The following MAD1L1 variants were observed in gnomAD, a reference collection of about 807,000 sequenced individuals.
MAD1L1 encodes the protein mitotic spindle assembly checkpoint protein MAD1.
Under a neutral mutation model 96.9 loss-of-function variants are expected in MAD1L1, and 95 were observed. The ratio of observed to expected loss-of-function variants is 0.98; its 90% CI spans 0.83 to 1.16. The LOEUF is 1.16. Among genes scored for constraint, MAD1L1 ranks in the 50% most tolerant of loss-of-function variants. The probability of loss-of-function intolerance (pLI) is 0.00; values close to 1 mark genes in which losing one functional copy is unlikely to be tolerated. For synonymous variants in MAD1L1, 473 were observed against 396.6 expected (o/e 1.19, Z -2.29); for missense variants, 1,007 against 954.4 (o/e 1.06, Z -0.73).
intron 11 of MAD1L1, among the ~76,000 whole-genome samples, chr7:2,134,684 A>G (rs933382106): frequency 6.6e-5 from 10 of 152,224 alleles, no homozygotes; most frequent in African/African-American, 2.2e-4. Flanking sequence ...CCAGAGCCCA[A>G]TTGTGTCCAG....
intron 15 of MAD1L1, among the ~76,000 whole-genome samples, chr7:1,967,458 A>G (rs978467464): frequency 6.6e-6 from 1 of 152,252 alleles, no homozygotes; most frequent in African/African-American, 2.4e-5. Flanking sequence ...AGAAACTCAA[A>G]GAACGGGTAC....
At position 1,954,779 on chromosome 7, in the gene MAD1L1, C is replaced by T. The variant is rs570293618; in HGVS notation, c.1596+2850G>A. 3.5e-4 allele frequency among the ~76,000 whole-genome samples: 54 copies of T among 152,324 alleles called. 2 individuals carry two copies. The South Asian group carries it at 8.5e-3, about 24-fold the overall frequency. ...TCACTTTCCCCATCTAGAGAGGGGG[C>T]GCCAGAAGCCCGGCCAGCCACCGTC... On this transcript the variant is annotated intron_variant, in intron 16 of 18. Transcript: ENST00000265854.
At chr7:2,062,506 C>T (rs1413563247) in intron 12 of MAD1L1, among the ~76,000 whole-genome samples, 7 of 151,704 alleles carry the variant, frequency 4.6e-5, no homozygotes, top group East Asian at 1.9e-4. Flanking sequence ...ACCTGGGAGG[C>T]GGAGGCTGCA....
At chr7:2,120,355 G>A (rs1377807366) in intron 11 of MAD1L1, among the ~76,000 whole-genome samples, 2 of 152,206 alleles carry the variant, frequency 1.3e-5, no homozygotes, top group Non-Finnish European at 2.9e-5. Flanking sequence ...CGAAGGCTGC[G>A]CTGCAGCAGC....
At chr7:1,868,441 G>C (rs1327642789) in intron 18 of MAD1L1, among the ~76,000 whole-genome samples, 1 of 152,040 alleles carries the variant, frequency 6.6e-6, no homozygotes, top group Non-Finnish European at 1.5e-5. Context: ...GCTGGAGTGG[G>C]GCCCTCCATG....
chr7:1,869,358 C>A (rs73046372), intron 18 of MAD1L1, among the ~76,000 whole-genome samples: 4,668 of 152,222 alleles, frequency 0.031, 149 homozygotes, highest in Admixed American at 0.077. Flanking sequence ...TCTCCCTGAA[C>A]TCCACCTTAT....
chr7:2,116,740 C>T (rs751335267), intron 11 of MAD1L1, among the ~76,000 whole-genome samples: 10 of 152,192 alleles, frequency 6.6e-5, no homozygotes, highest in East Asian at 3.9e-4. Context: ...CCAGACCCAA[C>T]GGGGAGGAAG....
intron 14 of MAD1L1, among the ~76,000 whole-genome samples, chr7:2,001,751 C>T (rs1299077270): frequency 1.3e-5 from 2 of 152,224 alleles, no homozygotes; most frequent in Admixed American, 6.5e-5. Flanking sequence ...GCTGGACAGA[C>T]CCCTCGTAGG....
intron 18 of MAD1L1, among the ~76,000 whole-genome samples, chr7:1,844,966 AAGG>A (rs1783510160): frequency 6.6e-6 from 1 of 152,178 alleles, no homozygotes; most frequent in Non-Finnish European, 1.5e-5. Context: ...CCGCCATCAG[AAGG>A]AGGACAGGGG....
intron 18 of MAD1L1, among the ~76,000 whole-genome samples, chr7:1,855,113 C>T (rs891525095): frequency 2.0e-5 from 3 of 152,160 alleles, no homozygotes; most frequent in African/African-American, 7.2e-5. Flanking sequence ...TGAAGAGCCG[C>T]GCGTGTTTGC....
chr7:1,999,925 A>G (rs1781717472), intron 14 of MAD1L1, among the ~76,000 whole-genome samples: 1 of 152,124 alleles, frequency 6.6e-6, no homozygotes, highest in African/African-American at 2.4e-5. Flanking sequence ...CCCTCCACGG[A>G]GTACCCCAAC....
At chr7:2,165,821 G>A (rs1278715127) in intron 10 of MAD1L1, among the ~76,000 whole-genome samples, 1 of 152,140 alleles carries the variant, frequency 6.6e-6, no homozygotes, top group Admixed American at 6.5e-5. Context: ...GGTGGGGCTT[G>A]GAGCAACATG....
intron 12 of MAD1L1, among the ~76,000 whole-genome samples, chr7:2,015,416 G>C (rs529599093): frequency 6.6e-6 from 1 of 152,196 alleles, no homozygotes. Flanking sequence ...TCCTAGAGCC[G>C]GGCAGAAACC....
intron 10 of MAD1L1, among the ~76,000 whole-genome samples, chr7:2,210,573 C>T (rs1639912): frequency 0.08 from 10,821 of 135,628 alleles, 1,044 homozygotes; most frequent in African/African-American, 0.28. Context: ...ACCGCCAGCC[C>T]GCATTCCCGT....
intron 12 of MAD1L1, among the ~76,000 whole-genome samples, chr7:2,050,558 A>C (rs1784124859): frequency 6.6e-6 from 1 of 152,212 alleles, no homozygotes; most frequent in Non-Finnish European, 1.5e-5. Context: ...GCCTGGAGAA[A>C]GTCCAGACAC....
chr7:2,144,635 C>A (rs2128577205), intron 11 of MAD1L1, among the ~76,000 whole-genome samples: 1 of 152,250 alleles, frequency 6.6e-6, no homozygotes, highest in African/African-American at 2.4e-5. Context: ...GGACGCCAGG[C>A]AGAGGGGTGC....
intron 11 of MAD1L1, among the ~76,000 whole-genome samples, chr7:2,136,668 G>T (rs1217949370): frequency 1.3e-5 from 2 of 152,234 alleles, no homozygotes; most frequent in South Asian, 4.2e-4. Context: ...TCCTCGGTGG[G>T]GGCCCTTCCC....
rs762402985 is a variant in MAD1L1, at chr7:1,898,432, C to A, written c.1808-42G>T. 86 of 1,584,646 alleles carry A rather than the reference C, an allele frequency of 5.4e-5. No homozygotes were observed. The African/African-American group carries it at 1.1e-3, about 21-fold the overall frequency. On this transcript the variant is annotated intron_variant, in intron 17 of 18. Coordinates refer to ENST00000265854, the MANE Select transcript of MAD1L1 (RefSeq NM_001013836.2). ...AGGAGACAGTGAGTGCGGCACCAGG[C>A]CGGAGGGGTGGGGACCCGGGAGCGG...
intron 1 of MAD1L1, among the ~76,000 whole-genome samples, chr7:2,231,747 T>TACTA (rs1377685480): frequency 1.2e-4 from 19 of 152,194 alleles, no homozygotes; most frequent in African/African-American, 4.6e-4. Flanking sequence ...TAATAAGTAC[T>TACTA]ACTACTATTT....
Sources: gnomAD v4.1 joint callset for allele counts (sites outside exome capture counted in the v4.1 genomes callset) on GRCh38, gnomAD v4.1.1 for gene constraint, MANE v1.5 for transcripts, NCBI Gene and HGNC (gene_info 2026-07-23, HGNC 2026-07-21) for gene names.